The following FRMPD4 variants were observed in gnomAD, a reference collection of about 807,000 sequenced individuals.
The protein encoded by FRMPD4 is FERM and PDZ domain containing 4.
FRMPD4 carries 22 observed loss-of-function variants against 94.1 expected under a neutral mutation model. The observed-to-expected ratio is 0.23, with a 90% CI of 0.17 to 0.33. FRMPD4 has a LOEUF of 0.33. Ranked by LOEUF, FRMPD4 falls within the 10% of genes least tolerant of loss-of-function variation. The pLI is 1.00. For missense variants in FRMPD4, 1,111 were observed against 1,339.9 expected, an observed-to-expected ratio of 0.83 and a Z score of 2.67; for synonymous variants, 631 against 548.6, an observed-to-expected ratio of 1.15 and a Z score of -2.10.
At chrX:12,383,612 C>T (rs889330395) in intron 1 of FRMPD4, among the ~76,000 whole-genome samples, 2 of 111,202 alleles carry the variant, frequency 1.8e-5, no homozygotes, top group African/African-American at 3.3e-5. Flanking sequence ...CTCATGCCTG[C>T]GCCGCCTGAG....
intron 14 of FRMPD4, among the ~76,000 whole-genome samples, chrX:12,712,741 T>C (rs925725620): frequency 9.0e-6 from 1 of 111,587 alleles, no homozygotes; most frequent in African/African-American, 3.3e-5. Flanking sequence ...CATGTTTTCA[T>C]TGAGCTAGGA....
At chrX:12,108,574 T>G (rs1424277299) in intron 3 of FRMPD4, among the ~76,000 whole-genome samples, 1 of 111,777 alleles carries the variant, frequency 8.9e-6, no homozygotes, top group East Asian at 2.8e-4. Flanking sequence ...CACATAACAA[T>G]ATTAACCTTA....
intron 4 of FRMPD4, among the ~76,000 whole-genome samples, chrX:12,657,631 G>A (rs186765812): frequency 8.9e-6 from 1 of 112,246 alleles, no homozygotes; most frequent in Non-Finnish European, 1.9e-5. Context: ...ATCAGAAAGT[G>A]CAGATCCCTG....
chrX:12,378,563 G>A (rs952787818), intron 1 of FRMPD4, among the ~76,000 whole-genome samples: 1 of 112,400 alleles, frequency 8.9e-6, no homozygotes, highest in African/African-American at 3.2e-5. Flanking sequence ...TATTAGGAAG[G>A]ACCCTTGACA....
intron 3 of FRMPD4, among the ~76,000 whole-genome samples, chrX:11,892,293 T>G (rs964044896): frequency 3.6e-5 from 4 of 112,380 alleles, no homozygotes; most frequent in African/African-American, 1.3e-4. Context: ...GCGGCTTTCA[T>G]GCTCACAGAA....
At chrX:12,415,308 C>T (rs748984783) in intron 1 of FRMPD4, among the ~76,000 whole-genome samples, 1 of 111,651 alleles carries the variant, frequency 9.0e-6, no homozygotes, top group African/African-American at 3.3e-5. Flanking sequence ...ATCAGAAAAG[C>T]AGTATTGCTG....
chrX:12,274,427 T>G (rs2054400975), intron 1 of FRMPD4, among the ~76,000 whole-genome samples: 1 of 112,372 alleles, frequency 8.9e-6, no homozygotes, highest in Non-Finnish European at 1.9e-5. Context: ...CAAATGCATG[T>G]TCATTCTTAA....
At chrX:12,475,187 T>C (rs191825106) in intron 1 of FRMPD4, among the ~76,000 whole-genome samples, 56 of 111,933 alleles carry the variant, frequency 5.0e-4, no homozygotes, top group African/African-American at 1.8e-3. Context: ...TAGTCCAGCA[T>C]ATAAACAGAA....
chrX:12,472,241 C>A (rs1569289910), intron 1 of FRMPD4, among the ~76,000 whole-genome samples: 1 of 112,310 alleles, frequency 8.9e-6, no homozygotes. Context: ...CTTGCCATCA[C>A]TAATGGTGAG....
chrX:12,445,344 A>G (rs2057182677), intron 1 of FRMPD4, among the ~76,000 whole-genome samples: 1 of 112,488 alleles, frequency 8.9e-6, no homozygotes, highest in Admixed American at 9.4e-5. Flanking sequence ...ATTCTGTGCT[A>G]CATTGGTAGT....
chrX:11,875,525 C>A (rs962243484), intron 2 of FRMPD4, among the ~76,000 whole-genome samples: 3 of 111,850 alleles, frequency 2.7e-5, no homozygotes, highest in African/African-American at 9.8e-5. Flanking sequence ...AAGTGGAGCT[C>A]CCCGACTCCA....
At chrX:12,498,624 C>T (rs756961622) in intron 1 of FRMPD4, 56 bp from the exon 2 acceptor site, 2 of 676,869 alleles carry the variant, frequency 3.0e-6, no homozygotes, top group Admixed American at 4.4e-5. Flanking sequence ...GAGTTTGTCT[C>T]AGAAGGAATG....
chrX:12,105,209 A>T (rs901533921), intron 3 of FRMPD4, among the ~76,000 whole-genome samples: 1 of 112,062 alleles, frequency 8.9e-6, no homozygotes, highest in African/African-American at 3.2e-5. Flanking sequence ...TGATTGAGAC[A>T]TCCCAGCCCT....
chrX:12,439,307 T>A (rs975837228), intron 1 of FRMPD4, among the ~76,000 whole-genome samples: 2 of 111,416 alleles, frequency 1.8e-5, no homozygotes, highest in African/African-American at 3.3e-5. Context: ...TAAATCCCTT[T>A]CTCTGTGACC....
chrX:11,983,308 G>C (rs1396654936), intron 3 of FRMPD4, among the ~76,000 whole-genome samples: 3 of 111,914 alleles, frequency 2.7e-5, no homozygotes, highest in African/African-American at 9.7e-5. Flanking sequence ...CTTAGTGAAA[G>C]GGTGGTCTAG....
At chrX:12,316,429 A>G (rs2055117821) in intron 1 of FRMPD4, among the ~76,000 whole-genome samples, 4 of 111,781 alleles carry the variant, frequency 3.6e-5, no homozygotes, top group African/African-American at 1.3e-4. Flanking sequence ...CCGGGATTAC[A>G]GGCGTGAGCT....
intron 2 of FRMPD4, among the ~76,000 whole-genome samples, chrX:12,538,900 C>A (rs1235508685): frequency 8.9e-6 from 1 of 112,187 alleles, no homozygotes; most frequent in African/African-American, 3.2e-5. Context: ...CAGAGCGACT[C>A]TCCCCCTCCA....
At chrX:11,850,434 C>A (rs1343844827) in intron 1 of FRMPD4, among the ~76,000 whole-genome samples, 2 of 112,037 alleles carry the variant, frequency 1.8e-5, no homozygotes, top group Non-Finnish European at 3.8e-5. Context: ...TAATGTCTAG[C>A]AAATCTACTT....
chrX:12,371,793 C>T lies in FRMPD4; in HGVS notation c.42-126887C>T, dbSNP rs186467228. Among the ~76,000 whole-genome samples, 725 of 111,264 alleles carry T rather than the reference C, an allele frequency of 6.5e-3. 2 individuals carry two copies. Among genetic ancestry groups the T allele is most frequent in the Non-Finnish European group, 0.011 (585 of 52,995 alleles). Reference sequence around the variant, plus strand: ...ACATATAGCAAATAAAAATACAGGACGCACAGTTCGATTTGAATTTCAGAT... The same window carrying T: ...ACATATAGCAAATAAAAATACAGGATGCACAGTTCGATTTGAATTTCAGAT... On this transcript the variant is annotated intron_variant, in intron 1 of 16. Coordinates refer to ENST00000675598, the MANE Select transcript of FRMPD4 (RefSeq NM_001368397.1).
Sources: gnomAD v4.1 joint callset for allele counts (sites outside exome capture counted in the v4.1 genomes callset) on GRCh38, gnomAD v4.1.1 for gene constraint, MANE v1.5 for transcripts, NCBI Gene and HGNC (gene_info 2026-07-23, HGNC 2026-07-21) for gene names.